The following RBM26 variants were observed in gnomAD, a reference collection of about 807,000 sequenced individuals.
The protein encoded by RBM26 is RNA-binding protein 26.
RBM26 carries 30 observed loss-of-function variants against 123.6 expected under a neutral mutation model. The observed-to-expected ratio is 0.24, with a 90% confidence interval of 0.18 to 0.33. The LOEUF is 0.33. Among genes scored for constraint, RBM26 ranks in the 10% least tolerant of loss-of-function variants. The probability of loss-of-function intolerance (pLI) is 1.00; values close to 1 mark genes in which losing one functional copy is unlikely to be tolerated. For missense variants in RBM26, 947 were observed against 1,203.6 expected, an observed-to-expected ratio of 0.79 and a Z score of 3.15; for synonymous variants, 400 against 404.4, an observed-to-expected ratio of 0.99 and a Z score of 0.13.
intron 16 of RBM26, 30 bp from the exon 17 acceptor site, chr13:79,342,861 A>G: frequency 7.5e-7 from 1 of 1,337,880 alleles, no homozygotes; most frequent in Non-Finnish European, 1.1e-6. Flanking sequence ...AGAAAAATAA[A>G]GCTAATTACT....
At chr13:79,375,855 GA>G (rs1002260070) in intron 3 of RBM26, among the ~76,000 whole-genome samples, 18 of 151,426 alleles carry the variant, frequency 1.2e-4, no homozygotes, top group Admixed American at 5.9e-4. Flanking sequence ...CATAAAAGGA[GA>G]AAAAAAGGTC....
chr13:79,347,197 G>T (rs1023127065), intron 14 of RBM26, among the ~76,000 whole-genome samples: 1 of 151,464 alleles, frequency 6.6e-6, no homozygotes, highest in South Asian at 2.1e-4. Flanking sequence ...TTTTTATCCA[G>T]GAACATCCTT....
intron 20 of RBM26, among the ~76,000 whole-genome samples, chr13:79,323,618 C>A (rs965626110): frequency 2.0e-5 from 3 of 151,710 alleles, no homozygotes; most frequent in African/African-American, 4.8e-5. Flanking sequence ...CTCATCCTTA[C>A]ATTCAGCTAA....
downstream of RBM26, chr13:79,314,458 C>G (rs1323573371): frequency 1.3e-5 from 2 of 151,712 alleles, no homozygotes; most frequent in African/African-American, 4.8e-5. Flanking sequence ...AAGAAATGCA[C>G]AAGCTATTAC....
chr13:79,374,182 C>T (rs934512900), intron 3 of RBM26, among the ~76,000 whole-genome samples: 2 of 152,020 alleles, frequency 1.3e-5, no homozygotes, highest in Non-Finnish European at 2.9e-5. Context: ...GAATGTACCA[C>T]TTTATGCTGG....
At chr13:79,373,213 AAT>A (rs1290073255) in intron 3 of RBM26, among the ~76,000 whole-genome samples, 3 of 105,836 alleles carry the variant, frequency 2.8e-5, no homozygotes, top group Non-Finnish European at 5.2e-5. Flanking sequence ...AAAATATATA[AAT>A]ATATATAAAT....
chr13:79,384,173 T>C (rs550091896), intron 1 of RBM26, among the ~76,000 whole-genome samples: 123 of 152,172 alleles, frequency 8.1e-4, no homozygotes, highest in Non-Finnish European at 1.5e-3. Flanking sequence ...TTCACATCAA[T>C]GATTTTAAAG....
At chr13:79,359,282 C>T (rs1168084815) in intron 10 of RBM26, among the ~76,000 whole-genome samples, 1 of 152,056 alleles carries the variant, frequency 6.6e-6, no homozygotes, top group Admixed American at 6.6e-5. Flanking sequence ...TCATGACTAT[C>T]CTGTATATAG....
chr13:79,338,711 G>A (rs2139008510), intron 18 of RBM26, among the ~76,000 whole-genome samples: 1 of 152,312 alleles, frequency 6.6e-6, no homozygotes, highest in East Asian at 1.9e-4. Flanking sequence ...ATTCTGGCTA[G>A]AGTTTTAAGA....
Position 79,372,068 on chromosome 13 carries a change from C to T in RBM26, c.328-138G>A, listed in dbSNP as rs552790228. ...GGCTGAGGCGGGTGGTTCACGAAGT[C>T]GGAAGTTCGACACCAGCCTGGCCAA... is the stretch of plus-strand genomic sequence containing the variant. On this transcript the variant is annotated intron_variant, in intron 3 of 21. Coordinates refer to ENST00000438737, the MANE Select transcript of RBM26 (RefSeq NM_001366735.2). 972 of 601,472 alleles carry T rather than the reference C, an allele frequency of 1.6e-3. 17 individuals are homozygous for T. The highest frequency in any genetic ancestry group is 2.6e-4 in the Non-Finnish European group (89 of 344,808). The allele number at this position is 601,472 out of a possible 1,614,324, so 37.3% of individuals were successfully genotyped here.
At chr13:79,400,507 T>C (rs2140538010) in intron 1 of RBM26, among the ~76,000 whole-genome samples, 1 of 152,328 alleles carries the variant, frequency 6.6e-6, no homozygotes, top group East Asian at 1.9e-4. Flanking sequence ...CACCTCTTAA[T>C]ACTTAACGAA....
chr13:79,366,875 AT>A lies in RBM26; in HGVS notation c.896-4del. 2 of 1,590,148 alleles carry A rather than the reference AT, an allele frequency of 1.3e-6. No homozygotes were observed. The highest frequency in any genetic ancestry group is 2.3e-5 in the South Asian group (2 of 88,272). ...TCCTCTCATACAAAAACCCTTTTCT[AT>A]GAGGAAGGAATAGTTAGAAACAAAT... On this transcript the variant is annotated splice_polypyrimidine_tract_variant and splice_region_variant and intron_variant, in intron 6 of 21. Coordinates refer to ENST00000438737, the MANE Select transcript of RBM26 (RefSeq NM_001366735.2).
chr13:79,396,182 A>G (rs1175840721), intron 1 of RBM26, among the ~76,000 whole-genome samples: 1 of 152,044 alleles, frequency 6.6e-6, no homozygotes, highest in African/African-American at 2.4e-5. Flanking sequence ...GCAATGGAAC[A>G]ATATCATAAA....
intron 1 of RBM26, among the ~76,000 whole-genome samples, chr13:79,400,231 G>A (rs1456817588): frequency 6.6e-6 from 1 of 152,196 alleles, no homozygotes; most frequent in Admixed American, 6.5e-5. Flanking sequence ...CGTTTGTGCT[G>A]CTATAACAGA....
At chr13:79,323,886 A>G (rs17071233) in intron 20 of RBM26, among the ~76,000 whole-genome samples, 13,184 of 151,794 alleles carry the variant, frequency 0.087, 1,329 homozygotes, top group African/African-American at 0.24. Context: ...TTGCTTTGTA[A>G]AGATGTAAAT....
In RBM26 at chr13:79,354,637, T is replaced by C. The variant is rs529513034; in HGVS notation, c.1855-67A>G. The C allele has an allele frequency of 4.5e-5, 63 of 1,389,608 alleles. No homozygotes were observed. The African/African-American group carries it at 6.9e-4, about 15-fold the overall frequency. The allele number at this position is 1,389,608 out of a possible 1,614,324, so 86.1% of individuals were successfully genotyped here. A position where few individuals can be genotyped will look rare whatever the true frequency, so the allele number is the denominator to read the frequency against. ...AAAGGATGGAAAGTGACCTGTGTTA[T>C]TTTGTTACTACATTGCCCATGCAGA... is the stretch of plus-strand genomic sequence containing the variant. On this transcript the variant is annotated intron_variant, in intron 12 of 21. Transcript: ENST00000438737.
At chr13:79,390,312 T>C (rs781135339) in intron 1 of RBM26, among the ~76,000 whole-genome samples, 21 of 152,190 alleles carry the variant, frequency 1.4e-4, no homozygotes, top group Non-Finnish European at 1.3e-4. Flanking sequence ...TGCAATAATA[T>C]GGATAAATCT....
chr13:79,349,621 C>A (rs759451287), intron 14 of RBM26, among the ~76,000 whole-genome samples: 15 of 151,560 alleles, frequency 9.9e-5, no homozygotes, highest in Non-Finnish European at 2.2e-4. Context: ...AGGTAATAAT[C>A]CTGAGAGGCC....
At position 79,359,679 on chromosome 13, in the gene RBM26, A is replaced by T. The variant is rs767615284; in HGVS notation, c.1425T>A (p.Pro475=). Reference sequence around the variant, plus strand: ...CTATCCTCATACTGCTTTTATTGGGAGGCTTTTCTGTTTTAAAACAAAAGA... The same window carrying T: ...CTATCCTCATACTGCTTTTATTGGGTGGCTTTTCTGTTTTAAAACAAAAGA... The part of the protein sequence containing the change: ...GDMDLPPREK[P]PNKSSMRIVV... Residue 475 remains proline, a synonymous_variant, in exon 10 of 22, where the codon CCT becomes CCA. Coordinates refer to ENST00000438737, the MANE Select transcript of RBM26 (RefSeq NM_001366735.2). 6.5e-7 allele frequency: 1 copy of T among 1,538,620 alleles called. No individual in the cohort carries two copies. The highest frequency in any genetic ancestry group is 1.4e-5 in the African/African-American group (1 of 70,708).
Sources: gnomAD v4.1 joint callset for allele counts (sites outside exome capture counted in the v4.1 genomes callset) on GRCh38, gnomAD v4.1.1 for gene constraint, MANE v1.5 for transcripts, NCBI Gene and HGNC (gene_info 2026-07-23, HGNC 2026-07-21) for gene names.